Variants in CLEC16A observed in about 807,000 individuals in gnomAD.
The protein encoded by CLEC16A is protein CLEC16A.
In CLEC16A, 51 loss-of-function variants were observed where a neutral mutation model predicts 109.5. The ratio of observed to expected loss-of-function variants is 0.47; its 90% confidence interval spans 0.37 to 0.59. The LOEUF is 0.59. CLEC16A is among the 20% of genes least tolerant of loss of function. CLEC16A has a pLI of 0.00. For synonymous variants in CLEC16A, 673 were observed against 564.2 expected (o/e 1.19, Z -2.73); for missense variants, 1,339 against 1,394.0 (o/e 0.96, Z 0.63).
rs1416048977 is a variant in CLEC16A, at chr16:10,961,361, C to T, written c.210-1094C>T. The stretch of plus-strand genomic sequence containing the variant: ...CACTGAGTAAGTTCCAGGCCCATGA[C>T]CTCACCACTGTGGAGATGCCAGACG... On this transcript the variant is annotated intron_variant, in intron 2 of 23. Coordinates refer to ENST00000409790, the MANE Select transcript of CLEC16A (RefSeq NM_015226.3). The surrounding 1 kb of genome is among the most constrained non-coding windows in gnomAD (Gnocchi z 4.3). Among the ~76,000 whole-genome samples the T allele has an allele frequency of 6.6e-6, 1 of 152,176 alleles. No homozygotes were observed. Among genetic ancestry groups the T allele is most frequent in the Non-Finnish European group, 1.5e-5 (1 of 68,030 alleles).
intron 19 of CLEC16A, among the ~76,000 whole-genome samples, chr16:11,092,801 T>C (rs182027502): frequency 7.2e-5 from 11 of 152,350 alleles, no homozygotes; most frequent in African/African-American, 2.6e-4. Context: ...TCTGAAACTC[T>C]GTGGGCCTCG....
At chr16:11,031,673 A>T (rs971937836) in intron 13 of CLEC16A, among the ~76,000 whole-genome samples, 1 of 152,218 alleles carries the variant, frequency 6.6e-6, no homozygotes, top group Non-Finnish European at 1.5e-5. Context: ...GAAGCAAACA[A>T]ATGCTTTCAT....
At chr16:11,138,901 C>T (rs578043322) in intron 22 of CLEC16A, among the ~76,000 whole-genome samples, 3 of 152,132 alleles carry the variant, frequency 2.0e-5, no homozygotes, top group Admixed American at 1.3e-4. Flanking sequence ...AGTGCCCTTG[C>T]GCAAGGGTTT....
At chr16:10,983,850 A>C (rs1241491024) in intron 10 of CLEC16A, among the ~76,000 whole-genome samples, 1 of 151,558 alleles carries the variant, frequency 6.6e-6, no homozygotes, top group Non-Finnish European at 1.5e-5. Context: ...CCCTCTTTTC[A>C]AAGGTCTTAC....
rs183110556 is a variant in CLEC16A, at chr16:10,997,554, T to G, written c.1072-5520T>G. Among the ~76,000 whole-genome samples the G allele has an allele frequency of 1.8e-3, 271 of 152,338 alleles. 1 individual carries two copies. Among genetic ancestry groups the G allele is most frequent in the African/African-American group, 6.1e-3 (253 of 41,572 alleles). ...CACTCTCTTAACTATTCTTAAGTGT[T>G]CAGTTCAGTGGCATTAATGCGTTTT... is the stretch of plus-strand genomic sequence containing the variant. On this transcript the variant is annotated intron_variant, in intron 10 of 23. Transcript: ENST00000409790.
At chr16:11,115,719 A>T (rs2051938499) in intron 19 of CLEC16A, among the ~76,000 whole-genome samples, 1 of 152,170 alleles carries the variant, frequency 6.6e-6, no homozygotes, top group Non-Finnish European at 1.5e-5. Flanking sequence ...TACCACAAAG[A>T]AAATGTTTAT....
chr16:10,952,684 G>T (rs927341868), intron 1 of CLEC16A, among the ~76,000 whole-genome samples: 1 of 152,128 alleles, frequency 6.6e-6, no homozygotes, highest in Non-Finnish European at 1.5e-5. Context: ...TGTGTAAAAC[G>T]GTGTGCCAGG....
intron 11 of CLEC16A, among the ~76,000 whole-genome samples, chr16:11,014,305 T>C (rs1293948767): frequency 6.6e-6 from 1 of 152,236 alleles, no homozygotes; most frequent in Non-Finnish European, 1.5e-5. Flanking sequence ...TTCACAGCTG[T>C]GCTGTGTGTA....
At chr16:11,135,797 C>T (rs2053525423) in intron 22 of CLEC16A, among the ~76,000 whole-genome samples, 1 of 152,264 alleles carries the variant, frequency 6.6e-6, no homozygotes, top group African/African-American at 2.4e-5. Context: ...CAGCACAGCA[C>T]AGGCCAGTGT....
intron 10 of CLEC16A, among the ~76,000 whole-genome samples, chr16:10,991,322 T>C (rs527581429): frequency 6.6e-6 from 1 of 150,614 alleles, no homozygotes; most frequent in South Asian, 2.1e-4. Context: ...GGAAGAGCAT[T>C]TTGGTCATAA....
chr16:11,072,649 T>C (rs1386104484), intron 19 of CLEC16A, among the ~76,000 whole-genome samples: 3 of 152,142 alleles, frequency 2.0e-5, no homozygotes, highest in African/African-American at 7.2e-5. Context: ...ATCTGTAAAG[T>C]GGGTCTAATA....
chr16:10,986,729 C>G (rs9926433), intron 10 of CLEC16A, among the ~76,000 whole-genome samples: 112,053 of 146,034 alleles, frequency 0.77, 41,947 homozygotes, highest in East Asian at 0.89. Flanking sequence ...CTTTAAGGCT[C>G]AATGTGTGTG....
intron 22 of CLEC16A, among the ~76,000 whole-genome samples, chr16:11,140,769 C>T (rs567288964): frequency 2.0e-5 from 3 of 152,140 alleles, no homozygotes; most frequent in Admixed American, 6.5e-5. Context: ...ACAGCCCTGC[C>T]GAGGAAGCCA....
At chr16:11,015,576 G>A (rs753725529) in intron 11 of CLEC16A, among the ~76,000 whole-genome samples, 12 of 152,168 alleles carry the variant, frequency 7.9e-5, no homozygotes, top group African/African-American at 1.4e-4. Flanking sequence ...GCAGCTCTGC[G>A]CTCATCTGCT....
intron 13 of CLEC16A, among the ~76,000 whole-genome samples, chr16:11,032,062 C>A (rs1428515944): frequency 6.6e-6 from 1 of 152,188 alleles, no homozygotes. Flanking sequence ...GCTGTCAGCA[C>A]AATAGAGGGT....
chr16:11,092,516 C>A (rs2050372154), intron 19 of CLEC16A, among the ~76,000 whole-genome samples: 1 of 152,116 alleles, frequency 6.6e-6, no homozygotes, highest in South Asian at 2.1e-4. Context: ...TGCACTCCAG[C>A]CTGGCTCTGT....
At chr16:11,008,255 C>G (rs2045160784) in intron 11 of CLEC16A, among the ~76,000 whole-genome samples, 2 of 152,148 alleles carry the variant, frequency 1.3e-5, no homozygotes, top group Non-Finnish European at 2.9e-5. Flanking sequence ...GCTGTGATCG[C>G]TGGAATATGG....
chr16:11,058,890 G>A (rs117557249), intron 18 of CLEC16A, among the ~76,000 whole-genome samples: 1 of 152,314 alleles, frequency 6.6e-6, no homozygotes, highest in Non-Finnish European at 1.5e-5. Flanking sequence ...ACCTGGCTGT[G>A]ATGGGCCGTT....
At chr16:11,076,681 C>G (rs1223394384) in intron 19 of CLEC16A, among the ~76,000 whole-genome samples, 1 of 152,168 alleles carries the variant, frequency 6.6e-6, no homozygotes, top group Non-Finnish European at 1.5e-5. Flanking sequence ...ATCTCTGAAC[C>G]AGTGACAGAC....
Sources: gnomAD v4.1 joint callset for allele counts (sites outside exome capture counted in the v4.1 genomes callset) on GRCh38, gnomAD v4.1.1 for gene constraint, Gnocchi (gnomAD v3.1) non-coding constraint, MANE v1.5 for transcripts, NCBI Gene and HGNC (gene_info 2026-07-23, HGNC 2026-07-21) for gene names.